The following PLBD2 variants were observed in gnomAD, a reference collection of about 807,000 sequenced individuals.
PLBD2 encodes phospholipase B domain containing 2.
Under a neutral mutation model 68.3 loss-of-function variants are expected in PLBD2, and 51 were observed. That is an observed-to-expected ratio of 0.75 (90% CI 0.60 to 0.94). PLBD2 has a LOEUF of 0.94. Among genes scored for constraint, PLBD2 ranks in the 40% least tolerant of loss-of-function variants. The probability of loss-of-function intolerance (pLI) is 0.00; values close to 1 mark genes in which losing one functional copy is unlikely to be tolerated. For synonymous variants in PLBD2, 314 were observed against 339.3 expected, an observed-to-expected ratio of 0.93 and a Z score of 0.82; for missense variants, 729 against 792.2, an observed-to-expected ratio of 0.92 and a Z score of 0.96.
chr12:113,382,867 GTTTTT>G (rs67376686), intron 6 of PLBD2, among the ~76,000 whole-genome samples: 7 of 81,800 alleles, frequency 8.6e-5, no homozygotes, highest in African/African-American at 1.8e-4. Flanking sequence ...GTGTGTGTGT[GTTTTT>G]TTTTTTTTTT....
At chr12:113,366,082 C>T (rs1354613380) in intron 1 of PLBD2, among the ~76,000 whole-genome samples, 1 of 152,156 alleles carries the variant, frequency 6.6e-6, no homozygotes, top group African/African-American at 2.4e-5. Context: ...CTCAAAAAGG[C>T]TTGCTTACTG....
chr12:113,388,524 G>A lies in PLBD2; in HGVS notation c.1668G>A (p.Gln556=), dbSNP rs563884070. ...CGGCCAGCGGTCCCACGTGGGACCA[G>A]GTGCCCCCGTTCCAGTGGAGCACCT... ...LLAASGPTWD[Q]VPPFQWSTSP... is the part of the protein sequence containing the mutation. The change falls in exon 12 of 12, where the codon CAG becomes CAA. Residue 556 remains glutamine (Q), a synonymous_variant. Transcript: ENST00000280800. The A allele has an allele frequency of 1.2e-5, 20 of 1,610,436 alleles. No homozygotes were observed. In the East Asian group the frequency reaches 1.8e-4, roughly 14 times the overall value.
At position 113,374,528 on chromosome 12, in the gene PLBD2, G is replaced by A; in HGVS notation, c.598G>A (p.Val200Met). The change falls in exon 4 of 12, where the codon GTG (valine) becomes ATG (methionine). Residue 200 changes from valine (V) to methionine (M), a missense_variant. By Grantham distance (21) the Val-to-Met change is conservative (BLOSUM62 1). Transcript: ENST00000280800. ...CCTGGAGGACAGCTACGAAGGCCGT[G>A]TGAGCTTCCCAGCTGGGAAGTTCAC... ...KGLEDSYEGR[V>M]SFPAGKFTIK... The A allele has an allele frequency of 6.2e-7, 1 of 1,606,960 alleles. No homozygotes were observed. Among genetic ancestry groups the A allele is most frequent in the Non-Finnish European group, 8.5e-7 (1 of 1,177,200 alleles).
In PLBD2 at chr12:113,388,662, GACCCTCGTCAGGGTC is replaced by G; in HGVS notation, c.*41_*55del. Reference sequence around the variant, plus strand: ...CTGCTCTGCTGCTTTCGCCCCTGCTGACCCTCGTCAGGGTCACCCCCGTCCCAAGGCCACCGGACT... The same window carrying G: ...CTGCTCTGCTGCTTTCGCCCCTGCTGACCCCCGTCCCAAGGCCACCGGACT... On this transcript the variant is annotated 3_prime_UTR_variant, in exon 12 of 12. Coordinates refer to ENST00000280800, the MANE Select transcript of PLBD2 (RefSeq NM_173542.4). 1 of 1,526,858 alleles carries G rather than the reference GACCCTCGTCAGGGTC, an allele frequency of 6.5e-7. No individual in the cohort carries two copies. The highest frequency in any genetic ancestry group is 8.8e-7 in the Non-Finnish European group (1 of 1,135,708). 94.6% of individuals were successfully genotyped at this position (1,526,858 alleles called of 1,614,324 possible). A position where few individuals can be genotyped will look rare whatever the true frequency, so the allele number is the denominator to read the frequency against.
rs138911708 is a variant in PLBD2, at chr12:113,380,770, C to T, written c.885C>T (p.Asn295=). The change falls in exon 6 of 12, where the codon AAC becomes AAT. Residue 295 remains asparagine, a synonymous_variant. Transcript: ENST00000280800. ...PWGDYPLVPG[N]KLVFSSYPGT... The stretch of plus-strand genomic sequence containing the variant: ...GGGACTACCCGCTGGTTCCCGGCAA[C>T]AAGCTGGTCTTCTCCTCCTACCCCG... The T allele has an allele frequency of 6.4e-7, 1 of 1,553,460 alleles. No individual in the cohort carries two copies. Among genetic ancestry groups the T allele is most frequent in the Non-Finnish European group, 8.7e-7 (1 of 1,148,450 alleles).
intron 5 of PLBD2, among the ~76,000 whole-genome samples, chr12:113,378,111 G>A (rs1957450390): frequency 6.6e-6 from 1 of 152,166 alleles, no homozygotes; most frequent in East Asian, 1.9e-4. Context: ...GGCCAACATG[G>A]TGAAACCCCA....
In PLBD2 at chr12:113,388,570, C is replaced by T; in HGVS notation, c.1714C>T (p.His572Tyr). The change falls in exon 12 of 12, where the codon CAC (histidine) becomes TAC (tyrosine). Residue 572 changes from histidine to tyrosine, a missense_variant. His to Tyr is a moderately conservative substitution (Grantham distance 83). Transcript: ENST00000280800. ...WSTSPFSGLL[H>Y]MGQPDLWKFA... ...CACCTCGCCCTTCAGCGGCCTGCTG[C>T]ACATGGGCCAGCCAGACCTCTGGAA... The T allele has an allele frequency of 6.2e-7, 1 of 1,610,702 alleles. No homozygotes were observed. The highest frequency in any genetic ancestry group is 8.5e-7 in the Non-Finnish European group (1 of 1,178,014).
chr12:113,368,359 G>GC (rs1488536333), intron 1 of PLBD2, among the ~76,000 whole-genome samples: 8 of 152,356 alleles, frequency 5.3e-5, no homozygotes, highest in Non-Finnish European at 8.8e-5. Flanking sequence ...CCGTGGGGCT[G>GC]CTGGGGCAGC....
chr12:113,385,018 G>A, intron 8 of PLBD2, 72 bp downstream of exon 8: 1 of 1,457,642 alleles, frequency 6.9e-7, no homozygotes, highest in South Asian at 1.2e-5. Flanking sequence ...CCAGAGCCGT[G>A]CTGGCGCTGT....
At position 113,369,107 on chromosome 12, in the gene PLBD2, C is replaced by A; in HGVS notation, c.291-9C>A. On this transcript the variant is annotated splice_polypyrimidine_tract_variant and intron_variant, in intron 1 of 11. Coordinates refer to ENST00000280800, the MANE Select transcript of PLBD2 (RefSeq NM_173542.4). ...GCTGCTGACTGAGTGTCCCCTCCTT[C>A]CCCTCCAGGTGGGCCTTCCTGGAGC... 6.3e-7 allele frequency: 1 copy of A among 1,581,614 alleles called. No individual in the cohort carries two copies. The highest frequency in any genetic ancestry group is 8.6e-7 in the Non-Finnish European group (1 of 1,162,808).
intron 2 of PLBD2, among the ~76,000 whole-genome samples, chr12:113,370,044 T>G (rs556432396): frequency 6.6e-6 from 1 of 152,146 alleles, no homozygotes; most frequent in South Asian, 2.1e-4. Context: ...GGATTACAGA[T>G]GTGCACAACC....
Position 113,358,633 on chromosome 12 carries a change from C to T in PLBD2, c.33C>T (p.Ser11=). 1 of 1,465,934 alleles carries T rather than the reference C, an allele frequency of 6.8e-7. No homozygotes were observed. The highest frequency in any genetic ancestry group is 1.3e-5 in the South Asian group (1 of 75,676). 90.8% of individuals were successfully genotyped at this position (1,465,934 alleles called of 1,614,324 possible). The change falls in exon 1 of 12, where the codon AGC becomes AGT. Residue 11 remains serine, a synonymous_variant. Transcript: ENST00000280800. MVGQMYCYPG[S]HLARALTRAL... is the part of the protein sequence containing the mutation. ...GCCAGATGTACTGCTACCCCGGCAG[C>T]CACCTGGCCCGGGCGCTGACGCGGG... is the stretch of plus-strand genomic sequence containing the variant.
rs912915152 is a variant in PLBD2 at position 113,358,656 on chromosome 12, G to T, written c.56G>T (p.Arg19Leu). The change falls in exon 1 of 12, where the codon CGG (arginine) becomes CTG (leucine). Residue 19 changes from arginine (R) to leucine (L), a missense_variant. By Grantham distance (102) the Arg-to-Leu change is moderately radical. Transcript: ENST00000280800. ...AGCCACCTGGCCCGGGCGCTGACGC[G>T]GGCGCTGGCGCTGGCCCTGGTGCTG... ...PGSHLARALT[R>L]ALALALVLAL... The T allele has an allele frequency of 6.8e-7, 1 of 1,461,678 alleles. No homozygotes were observed. The highest frequency in any genetic ancestry group is 3.0e-5 in the East Asian group (1 of 33,028). The allele number at this position is 1,461,678 out of a possible 1,614,324, so 90.5% of individuals were successfully genotyped here.
chr12:113,385,426 C>A, intron 9 of PLBD2, 143 bp downstream of exon 9: 1 of 741,630 alleles, frequency 1.3e-6, no homozygotes, highest in Non-Finnish European at 2.2e-6. Flanking sequence ...AGAGCCCAGA[C>A]AGTTTGGCAG....
intron 1 of PLBD2, among the ~76,000 whole-genome samples, chr12:113,364,311 C>T (rs1051564542): frequency 2.6e-5 from 4 of 152,186 alleles, no homozygotes; most frequent in African/African-American, 7.2e-5. Flanking sequence ...CTGGGGCTCG[C>T]GGCTGCACAG....
intron 5 of PLBD2, among the ~76,000 whole-genome samples, chr12:113,376,062 C>G (rs960386456): frequency 6.6e-6 from 1 of 151,950 alleles, no homozygotes; most frequent in Non-Finnish European, 1.5e-5. Context: ...CCATATTGGC[C>G]AGGCTGGTCT....
At chr12:113,359,034 C>G (rs899063174) in intron 1 of PLBD2, 144 bp downstream of exon 1, 11 of 951,014 alleles carry the variant, frequency 1.2e-5, no homozygotes, top group Non-Finnish European at 1.5e-5. Context: ...GCTGCAGCAC[C>G]GCCCTGCGGG....
intron 1 of PLBD2, among the ~76,000 whole-genome samples, chr12:113,362,785 T>G (rs908385980): frequency 6.9e-6 from 1 of 145,542 alleles, no homozygotes; most frequent in Non-Finnish European, 1.5e-5. Context: ...AATCTTCTTT[T>G]GATTTATTTT....
chr12:113,382,099 A>G (rs2136919464), intron 6 of PLBD2, among the ~76,000 whole-genome samples: 1 of 152,354 alleles, frequency 6.6e-6, no homozygotes, highest in Non-Finnish European at 1.5e-5. Flanking sequence ...CTGGGATTAT[A>G]GGTGTGAGCC....
Sources: gnomAD v4.1 joint callset for allele counts (sites outside exome capture counted in the v4.1 genomes callset) on GRCh38, gnomAD v4.1.1 for gene constraint, MANE v1.5 for transcripts, NCBI Gene and HGNC (gene_info 2026-07-23, HGNC 2026-07-21) for gene names.